ROBO2: variants seen among roughly 807,000 people sequenced by gnomAD.
ROBO2 encodes roundabout guidance receptor 2.
Under a neutral mutation model 160.8 loss-of-function variants are expected in ROBO2, and 53 were observed. That is an observed-to-expected ratio of 0.33 (90% CI 0.26 to 0.41). ROBO2 has a LOEUF of 0.41. ROBO2 is among the 10% of genes least tolerant of loss of function. The pLI, the probability that ROBO2 is intolerant of heterozygous loss-of-function variation, is 1.00. For synonymous variants in ROBO2, 664 were observed against 611.7 expected, an observed-to-expected ratio of 1.09 and a Z score of -1.26; for missense variants, 1,577 against 1,722.4, an observed-to-expected ratio of 0.92 and a Z score of 1.49.
At chr3:77,382,774 A>T (rs1397349079) in intron 2 of ROBO2, among the ~76,000 whole-genome samples, 1 of 152,206 alleles carries the variant, frequency 6.6e-6, no homozygotes, top group Non-Finnish European at 1.5e-5. Flanking sequence ...GCTGAGTAGT[A>T]TTCCATGGTG....
chr3:77,005,950 G>A (rs2149439635), intron 2 of ROBO2, among the ~76,000 whole-genome samples: 1 of 152,200 alleles, frequency 6.6e-6, no homozygotes, highest in Non-Finnish European at 1.5e-5. Context: ...TAGACTAAGT[G>A]CTTTCTTGGA....
intron 2 of ROBO2, among the ~76,000 whole-genome samples, chr3:76,978,947 A>ATT (rs1559792520): frequency 1.5e-4 from 21 of 143,592 alleles, no homozygotes; most frequent in East Asian, 3.9e-4. Context: ...TGTTTTTTAA[A>ATT]AAAAAAAAAA....
chr3:76,433,935 C>T, intron 2 of ROBO2: 29 of 647,574 alleles, frequency 4.5e-5, no homozygotes, highest in South Asian at 2.2e-4. Context: ...TTTATTTATC[C>T]ATCTTGGGAT....
At chr3:77,215,714 T>C (rs1407072819) in intron 2 of ROBO2, among the ~76,000 whole-genome samples, 1 of 152,210 alleles carries the variant, frequency 6.6e-6, no homozygotes, top group Non-Finnish European at 1.5e-5. Flanking sequence ...TGTGGTTTTA[T>C]CTACCATTGG....
Position 76,623,856 on chromosome 3 carries a change from T to G in ROBO2, c.110-474158T>G, listed in dbSNP as rs149013759. Among the ~76,000 whole-genome samples, 541 of 152,268 alleles carry G rather than the reference T, an allele frequency of 3.6e-3. 4 individuals are homozygous for G. Among genetic ancestry groups the G allele is most frequent in the African/African-American group, 0.013 (524 of 41,560 alleles). ...AGTCAAGTTTAGGGGATTTTCAAGG[T>G]TGTACAGTACAACTGGGTGACAAAA... On this transcript the variant is annotated intron_variant, in intron 2 of 26. Coordinates refer to the ROBO2 transcript ENST00000487694.
rs151032366 is a variant in ROBO2 at position 76,638,311 on chromosome 3, T to C, written c.110-459703T>C. ...TTTGATTATCTGATAGTCCTGTTGC[T>C]CATTCCATTTTTTAAACATGAATAT... is the stretch of plus-strand genomic sequence containing the variant. On this transcript the variant is annotated intron_variant, in intron 2 of 26. Transcript: ENST00000487694. 8.8e-3 allele frequency among the ~76,000 whole-genome samples: 1,338 copies of C among 152,320 alleles called. 14 individuals carry two copies. The highest frequency in any genetic ancestry group is 0.03 in the African/African-American group (1,262 of 41,586).
intron 2 of ROBO2, among the ~76,000 whole-genome samples, chr3:77,244,911 A>C (rs2089531421): frequency 6.7e-6 from 1 of 150,258 alleles, no homozygotes; most frequent in Non-Finnish European, 1.5e-5. Context: ...AAAGAAAAGA[A>C]AAGAAAATCC....
intron 2 of ROBO2, among the ~76,000 whole-genome samples, chr3:77,251,560 T>G (rs2090346796): frequency 6.6e-6 from 1 of 152,166 alleles, no homozygotes; most frequent in Admixed American, 6.5e-5. Flanking sequence ...CTGTCCATGT[T>G]AATTACTTTA....
intron 2 of ROBO2, among the ~76,000 whole-genome samples, chr3:76,283,149 T>TATATATATATATATATATATATAA (rs1708328406): frequency 2.2e-5 from 3 of 136,850 alleles, no homozygotes; most frequent in Non-Finnish European, 4.8e-5. Flanking sequence ...TATATATATA[T>TATATATATATATATATATATATAA]ATAAAACTAC....
At position 77,365,669 on chromosome 3, in the gene ROBO2, A is replaced by AT. The variant is rs539047672; in HGVS notation, c.389-111742dup. 2.9e-3 allele frequency among the ~76,000 whole-genome samples: 438 copies of AT among 152,280 alleles called. 9 individuals carry two copies. The highest frequency in any genetic ancestry group is 0.024 in the Admixed American group (371 of 15,282). On this transcript the variant is annotated intron_variant, in intron 2 of 25. Coordinates refer to ENST00000461745, the Ensembl canonical transcript of ROBO2. The stretch of plus-strand genomic sequence containing the variant: ...ACTTAGGTGTAGAAAGGTATTTCAG[A>AT]TTTCTTGGCAAACCGTTCACATAGC...
rs956427709 is a variant in ROBO2 at position 76,023,763 on chromosome 3, A to G, written c.109+86161A>G. On this transcript the variant is annotated intron_variant, in intron 2 of 26. Transcript: ENST00000487694. ...GAATATGACACAGAAACCAAAAGTG[A>G]TCACATGCTGTTGGAAAAATTGGTG... 2.0e-5 allele frequency among the ~76,000 whole-genome samples: 3 copies of G among 151,630 alleles called. No individual in the cohort carries two copies. The East Asian group carries it at 5.8e-4, about 29-fold the overall frequency.
intron 2 of ROBO2, among the ~76,000 whole-genome samples, chr3:76,032,965 A>G (rs1028447091): frequency 6.6e-6 from 1 of 152,292 alleles, no homozygotes; most frequent in South Asian, 2.1e-4. Context: ...TTAATATTGC[A>G]ATGTGTGATA....
intron 2 of ROBO2, among the ~76,000 whole-genome samples, chr3:77,209,431 G>GT (rs748932993): frequency 4.6e-5 from 7 of 151,348 alleles, no homozygotes; most frequent in Non-Finnish European, 1.0e-4. Flanking sequence ...TACGTTCAAG[G>GT]TAAAAAAAAG....
At chr3:76,155,620 G>A (rs915149281) in intron 2 of ROBO2, among the ~76,000 whole-genome samples, 31 of 152,250 alleles carry the variant, frequency 2.0e-4, no homozygotes, top group Admixed American at 7.8e-4. Context: ...CCATGAAAGC[G>A]TTTTCTAGGA....
At chr3:76,979,618 A>G (rs948982509) in intron 2 of ROBO2, among the ~76,000 whole-genome samples, 1 of 148,820 alleles carries the variant, frequency 6.7e-6, no homozygotes, top group Admixed American at 6.7e-5. Context: ...GTGTGTGCGC[A>G]GGTATATGTT....
chr3:76,698,417 G>C lies in ROBO2; in HGVS notation c.110-399597G>C, dbSNP rs185879832. Among the ~76,000 whole-genome samples the C allele has an allele frequency of 1.8e-3, 267 of 152,272 alleles. 3 individuals carry two copies. Among genetic ancestry groups the C allele is most frequent in the Admixed American group, 0.011 (173 of 15,292 alleles). On this transcript the variant is annotated intron_variant, in intron 2 of 26. Coordinates refer to the ROBO2 transcript ENST00000487694. ...ATGTTTAATAGCTGGTCTCTGGAAGGGGGTGGGGGAGCCCTCATGTGTAGC... is the reference window on the plus strand; with the variant it reads ...ATGTTTAATAGCTGGTCTCTGGAAGCGGGTGGGGGAGCCCTCATGTGTAGC...
intron 2 of ROBO2, among the ~76,000 whole-genome samples, chr3:77,110,667 A>C (rs967782562): frequency 4.7e-5 from 7 of 149,016 alleles, no homozygotes; most frequent in African/African-American, 1.7e-4. Context: ...ATGTAAATAT[A>C]AGTATATATG....
At chr3:77,057,422 G>A (rs1236344524) in intron 1 of ROBO2, among the ~76,000 whole-genome samples, 1 of 151,874 alleles carries the variant, frequency 6.6e-6, no homozygotes, top group African/African-American at 2.4e-5. Flanking sequence ...TAACAAACCT[G>A]CATGTTGTGC....
intron 2 of ROBO2, among the ~76,000 whole-genome samples, chr3:77,351,212 A>G (rs2068290872): frequency 6.6e-6 from 1 of 152,148 alleles, no homozygotes; most frequent in Non-Finnish European, 1.5e-5. Context: ...TACTATAGTC[A>G]GATCTCGAAT....
Sources: allele counts gnomAD v4.1 joint callset (sites outside exome capture counted in the v4.1 genomes callset), GRCh38; gene constraint gnomAD v4.1.1; transcripts MANE v1.5; gene names NCBI Gene and HGNC (gene_info 2026-07-23, HGNC 2026-07-21).